Variants in OPCML observed in about 807,000 individuals in gnomAD.
The protein encoded by OPCML is opioid binding protein/cell adhesion molecule like.
A neutral mutation model predicts 37.8 loss-of-function variants in OPCML; 13 were observed. The observed-to-expected ratio is 0.34, with a 90% CI of 0.22 to 0.55. The LOEUF is 0.55. OPCML is among the 20% of genes least tolerant of loss of function. OPCML has a pLI of 0.91. For missense variants in OPCML, 341 were observed against 435.6 expected (o/e 0.78, Z 1.93); for synonymous variants, 176 against 168.8 (o/e 1.04, Z -0.33).
intron 1 of OPCML, among the ~76,000 whole-genome samples, chr11:133,385,568 G>C (rs1298004697): frequency 3.9e-5 from 6 of 152,232 alleles, no homozygotes; most frequent in African/African-American, 1.4e-4. Flanking sequence ...CACTTAGGTT[G>C]CCACGCTGTT....
intron 1 of OPCML, among the ~76,000 whole-genome samples, chr11:133,225,588 C>G (rs1054738203): frequency 4.6e-5 from 7 of 152,212 alleles, no homozygotes; most frequent in Non-Finnish European, 7.3e-5. Context: ...GCCACAATCA[C>G]CACAACAGAG....
In OPCML at chr11:132,818,725, T is replaced by C. The variant is rs1265760794; in HGVS notation, c.146+124201A>G. Among the ~76,000 whole-genome samples the C allele has an allele frequency of 2.7e-5, 4 of 147,426 alleles. No homozygotes were observed. The Admixed American group carries it at 2.7e-4, about 10-fold the overall frequency. On this transcript the variant is annotated intron_variant, in intron 2 of 7. Transcript: ENST00000524381. ...TTCTGGAGAACCTTACTAATACATG[T>C]GTTAATTATAGTTATTTCAAAGTCC...
intron 1 of OPCML, among the ~76,000 whole-genome samples, chr11:133,198,237 G>A (rs1321770118): frequency 1.3e-5 from 2 of 152,196 alleles, no homozygotes; most frequent in African/African-American, 2.4e-5. Context: ...ACAATAACCC[G>A]CAGTGGGGAG....
intron 3 of OPCML, among the ~76,000 whole-genome samples, chr11:132,592,473 A>G (rs1169193528): frequency 1.3e-5 from 2 of 152,244 alleles, no homozygotes; most frequent in Admixed American, 1.3e-4. Context: ...AGGGGCCTCA[A>G]CTGCTGGAAT....
intron 4 of OPCML, among the ~76,000 whole-genome samples, chr11:132,458,374 T>A (rs796815434): frequency 6.6e-6 from 1 of 152,208 alleles, no homozygotes; most frequent in South Asian, 2.1e-4. Context: ...AAAGTGTGGA[T>A]TCTAGACTTG....
rs1028573499 is a variant in OPCML, at chr11:133,159,841, C to T, written c.62-216831G>A. Among the ~76,000 whole-genome samples, 16 of 152,206 alleles carry T rather than the reference C, an allele frequency of 1.1e-4. 1 individual carries two copies. Among genetic ancestry groups the T allele is most frequent in the African/African-American group, 3.1e-4 (13 of 41,444 alleles). On this transcript the variant is annotated intron_variant, in intron 1 of 7. Transcript: ENST00000524381. ...ACAGCCCACAGAGCCCCAGGGCACG[C>T]GAGTTCTCATCCACAGGGCTTCACC...
At chr11:132,978,060 G>T (rs1016228054) in intron 1 of OPCML, among the ~76,000 whole-genome samples, 2 of 152,184 alleles carry the variant, frequency 1.3e-5, no homozygotes, top group Non-Finnish European at 2.9e-5. Flanking sequence ...GAGGAATGGT[G>T]TTGAGAAACT....
Position 133,532,374 on chromosome 11 carries a change from C to T in OPCML, c.-50G>A. On this transcript the variant is annotated 5_prime_UTR_variant, in exon 1 of 8. Transcript: ENST00000524381. The stretch of plus-strand genomic sequence containing the variant: ...GCCGGGCTTGCTACTGCTTCTGCTG[C>T]TGCTACCGCTGCTGCCTTCCTCTGT... 1 of 1,589,278 alleles carries T rather than the reference C, an allele frequency of 6.3e-7. No homozygotes were observed. Among genetic ancestry groups the T allele is most frequent in the Non-Finnish European group, 8.6e-7 (1 of 1,164,526 alleles).
At chr11:133,160,760 G>A (rs1266479021) in intron 1 of OPCML, among the ~76,000 whole-genome samples, 1 of 152,204 alleles carries the variant, frequency 6.6e-6, no homozygotes, top group Non-Finnish European at 1.5e-5. Flanking sequence ...TGGGGAGCAT[G>A]GACTGGACTT....
chr11:132,424,927 A>G (rs1247965046), intron 7 of OPCML, among the ~76,000 whole-genome samples: 1 of 152,158 alleles, frequency 6.6e-6, no homozygotes, highest in Admixed American at 6.5e-5. Context: ...GTGAGTAAAG[A>G]GGTGAGATAG....
intron 1 of OPCML, among the ~76,000 whole-genome samples, chr11:133,446,399 C>T (rs1591509655): frequency 6.6e-6 from 1 of 152,094 alleles, no homozygotes; most frequent in Admixed American, 6.5e-5. Flanking sequence ...ACCATAAACC[C>T]GCCCACTATA....
At chr11:133,455,129 G>A (rs536300948) in intron 1 of OPCML, among the ~76,000 whole-genome samples, 8 of 152,136 alleles carry the variant, frequency 5.3e-5, no homozygotes, top group African/African-American at 1.4e-4. Flanking sequence ...TCACCAACCC[G>A]AAAATCACTC....
In OPCML at chr11:132,785,775, T is replaced by A. The variant is rs544854639; in HGVS notation, c.147-128456A>T. On this transcript the variant is annotated intron_variant, in intron 2 of 7. Transcript: ENST00000524381. ...CCTTGAGGAGAATGAGGCAGACAGG[T>A]GCATCTTGTGAAAAAGCTCCACAGA... 4.6e-5 allele frequency among the ~76,000 whole-genome samples: 7 copies of A among 152,254 alleles called. 1 individual carries two copies. Among genetic ancestry groups the A allele is most frequent in the Admixed American group, 4.6e-4 (7 of 15,292 alleles).
chr11:133,158,007 T>G (rs1950085959), intron 1 of OPCML, among the ~76,000 whole-genome samples: 1 of 152,084 alleles, frequency 6.6e-6, no homozygotes. Context: ...CACAGAAAAT[T>G]GAAAAATAAT....
intron 1 of OPCML, among the ~76,000 whole-genome samples, chr11:133,265,250 G>A (rs1034246281): frequency 1.3e-5 from 2 of 152,158 alleles, no homozygotes; most frequent in African/African-American, 2.4e-5. Flanking sequence ...GGAAGAAGTG[G>A]GGTGGGATGG....
chr11:132,442,851 G>A (rs972289957), intron 4 of OPCML, among the ~76,000 whole-genome samples: 5 of 152,148 alleles, frequency 3.3e-5, no homozygotes, highest in African/African-American at 1.2e-4. Context: ...GGAACTGTGA[G>A]TCGATTAAAC....
intron 2 of OPCML, among the ~76,000 whole-genome samples, chr11:132,738,614 C>A (rs1342587763): frequency 6.6e-6 from 1 of 152,162 alleles, no homozygotes; most frequent in Non-Finnish European, 1.5e-5. Context: ...GCTGTGCTCC[C>A]TTCTACAGTG....
intron 2 of OPCML, among the ~76,000 whole-genome samples, chr11:132,841,652 G>A (rs1343281805): frequency 1.3e-5 from 2 of 151,950 alleles, no homozygotes; most frequent in African/African-American, 4.8e-5. Context: ...GGGAGGTCAA[G>A]GAGTTCGAGA....
Position 133,177,590 on chromosome 11 carries a change from T to C in OPCML, c.62-234580A>G, listed in dbSNP as rs1439744946. Among the ~76,000 whole-genome samples the C allele has an allele frequency of 6.6e-6, 1 of 152,076 alleles. No homozygotes were observed. Among genetic ancestry groups the C allele is most frequent in the East Asian group, 1.9e-4 (1 of 5,184 alleles). ...TAATAGTTGGAGTGGCAATAAAAAA[T>C]GTGAATACAACTCCAGTTCTGTACC... is the stretch of plus-strand genomic sequence containing the variant. On this transcript the variant is annotated intron_variant, in intron 1 of 7. Coordinates refer to ENST00000524381, the MANE Select transcript of OPCML (RefSeq NM_001012393.5). The surrounding 1 kb of genome is among the most constrained non-coding windows in gnomAD (Gnocchi z 5.0).
Sources: allele counts gnomAD v4.1 joint callset (sites outside exome capture counted in the v4.1 genomes callset), GRCh38; gene constraint gnomAD v4.1.1; non-coding constraint Gnocchi (gnomAD v3.1); transcripts MANE v1.5; gene names NCBI Gene and HGNC (gene_info 2026-07-23, HGNC 2026-07-21).